The following PDCD11 variants were observed in gnomAD, a reference collection of about 807,000 sequenced individuals.
PDCD11 encodes programmed cell death 11, also known as protein RRP5 homolog.
PDCD11 carries 97 observed loss-of-function variants against 198.9 expected under a neutral mutation model. That is an observed-to-expected ratio of 0.49 (90% confidence interval 0.41 to 0.58). The LOEUF is 0.58. Ranked by LOEUF, PDCD11 falls within the 20% of genes least tolerant of loss-of-function variation. The pLI is 0.00. For synonymous variants in PDCD11, 893 were observed against 918.0 expected (o/e 0.97, Z 0.49); for missense variants, 2,102 against 2,312.7 (o/e 0.91, Z 1.87).
At chr10:103,435,397 A>G (rs1039298072) in intron 25 of PDCD11, among the ~76,000 whole-genome samples, 2 of 152,088 alleles carry the variant, frequency 1.3e-5, no homozygotes, top group Non-Finnish European at 2.9e-5. Context: ...TTGATAGACA[A>G]TAATGTTGAA....
Position 103,434,304 on chromosome 10 carries a change from T to G in PDCD11, c.3621T>G (p.Val1207=). The G allele has an allele frequency of 6.2e-7, 1 of 1,613,686 alleles. No homozygotes were observed. Among genetic ancestry groups the G allele is most frequent in the East Asian group, 2.2e-5 (1 of 44,892 alleles). ...TTGGCCAGGCCCTGAGGGCCACCGT[T>G]GTTGGCCCAGATTCCTCCAAGACCC... is the stretch of plus-strand genomic sequence containing the variant. The part of the protein sequence containing the change: ...FRVGQALRAT[V]VGPDSSKTLL... The change falls in exon 24 of 36, where the codon GTT becomes GTG. Residue 1207 remains valine (V), a synonymous_variant. Coordinates refer to ENST00000369797, the MANE Select transcript of PDCD11 (RefSeq NM_014976.2).
At chr10:103,424,926 TGA>T in intron 19 of PDCD11, 56 bp from the exon 20 acceptor site, 1 of 1,579,512 alleles carries the variant, frequency 6.3e-7, no homozygotes, top group Non-Finnish European at 8.6e-7. Context: ...AGTGGGGCCA[TGA>T]GTGAGTGACC....
chr10:103,410,250 A>C (rs2030714933), intron 8 of PDCD11, among the ~76,000 whole-genome samples: 1 of 151,798 alleles, frequency 6.6e-6, no homozygotes, highest in Non-Finnish European at 1.5e-5. Flanking sequence ...AAAAAAAAAA[A>C]GTGTTATGGA....
At chr10:103,406,888 C>CA in intron 7 of PDCD11, 98 bp downstream of exon 7, 1 of 927,290 alleles carries the variant, frequency 1.1e-6, no homozygotes, top group Non-Finnish European at 1.6e-6. Flanking sequence ...TAAAGGTAGT[C>CA]ACTAGTCACT....
Position 103,413,987 on chromosome 10 carries a change from A to C in PDCD11, c.1207A>C (p.Lys403Gln), listed in dbSNP as rs2030953210. The change falls in exon 10 of 36, where the codon AAG (lysine) becomes CAG (glutamine). Residue 403 changes from lysine to glutamine, a missense_variant. Coordinates refer to ENST00000369797, the MANE Select transcript of PDCD11 (RefSeq NM_014976.2). ...YARLSHLSDS[K>Q]NVFNPEAFKP... Reference sequence around the variant, plus strand: ...GCAGCTCAGCCATCTCTCTGATTCTAAGAACGTCTTCAATCCTGAGGCCTT... The same window carrying C: ...GCAGCTCAGCCATCTCTCTGATTCTCAGAACGTCTTCAATCCTGAGGCCTT... 1 of 1,612,656 alleles carries C rather than the reference A, an allele frequency of 6.2e-7. No individual in the cohort carries two copies. Among genetic ancestry groups the C allele is most frequent in the Admixed American group, 1.7e-5 (1 of 59,646 alleles).
At chr10:103,413,056 T>A (rs756478719) in intron 8 of PDCD11, 60 bp from the exon 9 acceptor site, 62 of 1,322,914 alleles carry the variant, frequency 4.7e-5, no homozygotes, top group Non-Finnish European at 6.3e-5. Flanking sequence ...GCCTGGAAGG[T>A]CTGCTCTAGG....
At chr10:103,397,730 G>A (rs561017670) in intron 1 of PDCD11, among the ~76,000 whole-genome samples, 5 of 152,200 alleles carry the variant, frequency 3.3e-5, no homozygotes, top group Non-Finnish European at 7.3e-5. Flanking sequence ...CATGGTGCCC[G>A]GCCTTCTTTA....
Position 103,434,937 on chromosome 10 carries a change from G to A in PDCD11, c.3807G>A (p.Glu1269=), listed in dbSNP as rs778744671. 6.3e-7 allele frequency: 1 copy of A among 1,593,420 alleles called. No homozygotes were observed. Among genetic ancestry groups the A allele is most frequent in the Admixed American group, 1.7e-5 (1 of 57,542 alleles). The change falls in exon 25 of 36, where the codon GAG becomes GAA. Residue 1269 remains glutamate (E), a synonymous_variant. Coordinates refer to ENST00000369797, the MANE Select transcript of PDCD11 (RefSeq NM_014976.2). ...TTCACATGAGTGACTCCTACTCCGAGACGCCCCTGGAAGACTTCGTCCCCC... is the reference window on the plus strand; with the variant it reads ...TTCACATGAGTGACTCCTACTCCGAAACGCCCCTGGAAGACTTCGTCCCCC... The part of the protein sequence containing the change: ...SIFHMSDSYS[E]TPLEDFVPQK...
intron 25 of PDCD11, among the ~76,000 whole-genome samples, chr10:103,437,417 TAC>T (rs1403176047): frequency 1.3e-5 from 2 of 152,210 alleles, no homozygotes; most frequent in Non-Finnish European, 2.9e-5. Context: ...GTGTTGAGAT[TAC>T]AGATGTGAGC....
In PDCD11 at chr10:103,405,062, T is replaced by C. The variant is rs1290637518; in HGVS notation, c.443T>C (p.Leu148Pro). Residue 148 changes from leucine to proline, a missense_variant, in exon 5 of 36, where the codon CTG (leucine) becomes CCG (proline). By Grantham distance (98) the Leu-to-Pro change is moderately conservative. Transcript: ENST00000369797. The part of the protein sequence containing the change: ...HLPELFSPGM[L>P]VRCVVSSLGI... ...CCTGAACTTTTCTCACCTGGAATGC[T>C]GGTAAGATGTGTGGTGAGCAGTCTG... 2.5e-6 allele frequency: 4 copies of C among 1,614,092 alleles called. No individual in the cohort carries two copies. Among genetic ancestry groups the C allele is most frequent in the Non-Finnish European group, 3.4e-6 (4 of 1,179,982 alleles).
Position 103,438,783 on chromosome 10 carries a change from A to T in PDCD11, c.4000A>T (p.Ile1334Phe), listed in dbSNP as rs1470595224. 3 of 1,614,048 alleles carry T rather than the reference A, an allele frequency of 1.9e-6. No individual in the cohort carries two copies. The highest frequency in any genetic ancestry group is 2.5e-6 in the Non-Finnish European group (3 of 1,180,044). ...GCTTCTGAGGGGCTATGTAGGGTCC[A>T]TCCAGCCACACGGTGTGTTCTTTCG... ...GQLLRGYVGS[I>F]QPHGVFFRLG... is the part of the protein sequence containing the mutation. The change falls in exon 27 of 36, where the codon ATC (isoleucine) becomes TTC (phenylalanine). Residue 1334 changes from isoleucine (I) to phenylalanine (F), a missense_variant. By Grantham distance (21) the Ile-to-Phe change is conservative (BLOSUM62 0). Coordinates refer to ENST00000369797, the MANE Select transcript of PDCD11 (RefSeq NM_014976.2).
rs536327766 is a variant in PDCD11, at chr10:103,412,428, C to G, written c.979-688C>G. On this transcript the variant is annotated intron_variant, in intron 8 of 35. Coordinates refer to ENST00000369797, the MANE Select transcript of PDCD11 (RefSeq NM_014976.2). Reference sequence around the variant, plus strand: ...CTCCGCCTCTTGGGTTCAAGCGATTCTCCTGCTTGAGCCTCCTGAGTAGCT... The same window carrying G: ...CTCCGCCTCTTGGGTTCAAGCGATTGTCCTGCTTGAGCCTCCTGAGTAGCT... Among the ~76,000 whole-genome samples, 110 of 152,240 alleles carry G rather than the reference C, an allele frequency of 7.2e-4. 1 individual carries two copies. The highest frequency in any genetic ancestry group is 2.4e-3 in the African/African-American group (98 of 41,532).
chr10:103,409,931 G>T, intron 8 of PDCD11, 125 bp downstream of exon 8: 1 of 694,000 alleles, frequency 1.4e-6, no homozygotes, highest in Non-Finnish European at 2.6e-6. Context: ...GGAGATGAGA[G>T]GAATAATGAA....
intron 31 of PDCD11, 107 bp from the exon 32 acceptor site, chr10:103,442,106 G>T: frequency 1.3e-6 from 2 of 1,542,554 alleles, no homozygotes; most frequent in South Asian, 1.2e-5. Flanking sequence ...AGGCCAGGGG[G>T]TATATATAGA....
intron 7 of PDCD11, 80 bp downstream of exon 7, chr10:103,406,870 C>CCTTTATCAGACAGTAGTTT: frequency 1.7e-6 from 2 of 1,186,404 alleles, no homozygotes; most frequent in Non-Finnish European, 2.4e-6. Flanking sequence ...TCTAAAACTA[C>CCTTTATCAGACAGTAGTTT]TGTCTGATAA....
intron 35 of PDCD11, 128 bp from the exon 36 acceptor site, chr10:103,445,250 G>A: frequency 2.6e-6 from 2 of 781,240 alleles, no homozygotes; most frequent in Non-Finnish European, 4.4e-6. Flanking sequence ...TAAAGATAAT[G>A]GTAGAAGTGG....
intron 12 of PDCD11, among the ~76,000 whole-genome samples, chr10:103,415,786 A>G (rs1195425428): frequency 1.3e-5 from 2 of 152,244 alleles, no homozygotes; most frequent in Admixed American, 6.5e-5. Flanking sequence ...TTCTAGGCAC[A>G]GAAATAGCCC....
chr10:103,416,865 G>T (rs2031140083), intron 13 of PDCD11, 123 bp downstream of exon 13: 1 of 1,078,572 alleles, frequency 9.3e-7, no homozygotes, highest in Non-Finnish European at 1.3e-6. Context: ...GGGGCAGTGG[G>T]TGTGAGCCGG....
rs73330613 is a variant in PDCD11 at position 103,418,668 on chromosome 10, G to A, written c.2106+34G>A. The stretch of plus-strand genomic sequence containing the variant: ...GACTGGTATCTGTGGAGCAGAGGAA[G>A]GTGGGGGGCCATGGGTGCTTGGATG... On this transcript the variant is annotated intron_variant, in intron 15 of 35. Coordinates refer to ENST00000369797, the MANE Select transcript of PDCD11 (RefSeq NM_014976.2). 2.5e-3 allele frequency: 3,896 copies of A among 1,574,486 alleles called. 56 individuals are homozygous for A. In the African/African-American group the frequency reaches 0.042, roughly 17 times the overall value.
Sources: gnomAD v4.1 joint callset for allele counts (sites outside exome capture counted in the v4.1 genomes callset) on GRCh38, gnomAD v4.1.1 for gene constraint, MANE v1.5 for transcripts, NCBI Gene and HGNC (gene_info 2026-07-23, HGNC 2026-07-21) for gene names.